The following CSMD1 variants were observed in gnomAD, a reference collection of about 807,000 sequenced individuals.
CSMD1 encodes CUB and Sushi multiple domains 1.
In CSMD1, 213 loss-of-function variants were observed where a neutral mutation model predicts 417.5. The ratio of observed to expected loss-of-function variants is 0.51; its 90% CI spans 0.46 to 0.57. The LOEUF is 0.57. Among genes scored for constraint, CSMD1 ranks in the 20% least tolerant of loss-of-function variants. The pLI is 0.00. For missense variants in CSMD1, 6,923 were observed against 4,529.7 expected (o/e 1.53, Z -15.17); for synonymous variants, 2,862 against 1,736.8 (o/e 1.65, Z -16.11).
intron 2 of CSMD1, among the ~76,000 whole-genome samples, chr8:4,596,018 A>AACACTCCCTGTTTGCC (rs1800256426): frequency 6.6e-6 from 1 of 152,100 alleles, no homozygotes; most frequent in African/African-American, 2.4e-5. Flanking sequence ...CCACCACTTG[A>AACACTCCCTGTTTGCC]ACACTCCCTG....
intron 1 of CSMD1, among the ~76,000 whole-genome samples, chr8:4,693,406 G>A (rs573462540): frequency 2.0e-5 from 3 of 152,358 alleles, no homozygotes; most frequent in African/African-American, 7.2e-5. Flanking sequence ...TCCTGGAGGT[G>A]TGTTCTGGCT....
intron 5 of CSMD1, among the ~76,000 whole-genome samples, chr8:3,972,332 C>T (rs1359379979): frequency 6.6e-6 from 1 of 152,072 alleles, no homozygotes; most frequent in Non-Finnish European, 1.5e-5. Context: ...CCAAGATTGT[C>T]ACTTTTTCTC....
intron 3 of CSMD1, among the ~76,000 whole-genome samples, chr8:4,083,024 T>C (rs113983582): frequency 2.2e-4 from 33 of 152,008 alleles, no homozygotes; most frequent in Admixed American, 1.4e-3. Flanking sequence ...TTGTTGGACA[T>C]TTGGGTTTGT....
At chr8:3,932,120 G>T (rs1303476212) in intron 5 of CSMD1, among the ~76,000 whole-genome samples, 1 of 150,274 alleles carries the variant, frequency 6.7e-6, no homozygotes, top group Non-Finnish European at 1.5e-5. Flanking sequence ...GAAAGTAGAT[G>T]ATTTTATGGC....
At chr8:4,613,176 AT>A (rs1801280096) in intron 2 of CSMD1, among the ~76,000 whole-genome samples, 3 of 152,174 alleles carry the variant, frequency 2.0e-5, no homozygotes, top group Admixed American at 2.0e-4. Context: ...AACAATTCTA[AT>A]TCATTTAAAT....
chr8:4,175,012 C>CT (rs1319730319), intron 3 of CSMD1, among the ~76,000 whole-genome samples: 1 of 151,588 alleles, frequency 6.6e-6, no homozygotes, highest in African/African-American at 2.4e-5. Flanking sequence ...TTATCTCACT[C>CT]TTTTCCACTT....
chr8:2,977,696 T>C (rs997649657), intron 55 of CSMD1, among the ~76,000 whole-genome samples: 3 of 152,254 alleles, frequency 2.0e-5, no homozygotes, highest in African/African-American at 7.2e-5. Context: ...AAAGGTCTAA[T>C]ATCCAGAATC....
rs1805410678 is a variant in CSMD1 at position 4,672,805 on chromosome 8, C to T, written c.86-35247G>A. ...TGACACACATACTTACACTCACATG[C>T]ATGGTAACAAAACACACACACACAC... On this transcript the variant is annotated intron_variant, in intron 1 of 69. Coordinates refer to ENST00000635120, the MANE Select transcript of CSMD1 (RefSeq NM_033225.6). Among the ~76,000 whole-genome samples, 4 of 151,972 alleles carry T rather than the reference C, an allele frequency of 2.6e-5. No homozygotes were observed. The South Asian group carries it at 6.2e-4, about 24-fold the overall frequency.
At chr8:4,897,126 T>A (rs1000598899) in intron 1 of CSMD1, among the ~76,000 whole-genome samples, 1 of 152,032 alleles carries the variant, frequency 6.6e-6, no homozygotes, top group African/African-American at 2.4e-5. Flanking sequence ...TTTAAATGAA[T>A]TTATGAGCAA....
intron 3 of CSMD1, among the ~76,000 whole-genome samples, chr8:4,286,411 G>A (rs745748555): frequency 4.8e-4 from 73 of 152,104 alleles, no homozygotes; most frequent in Non-Finnish European, 9.8e-4. Flanking sequence ...GTTAACATGA[G>A]ACAGAGAAAA....
intron 9 of CSMD1, 100 bp from the exon 10 acceptor site, chr8:3,575,166 A>C: frequency 7.5e-6 from 8 of 1,063,288 alleles, no homozygotes; most frequent in Non-Finnish European, 9.8e-6. Context: ...TTATCTAATC[A>C]CAGTAAAAAA....
chr8:4,728,606 C>T (rs1030793205), intron 1 of CSMD1, among the ~76,000 whole-genome samples: 1 of 152,134 alleles, frequency 6.6e-6, no homozygotes, highest in African/African-American at 2.4e-5. Context: ...ACATGTCCTT[C>T]CTATTCCAAA....
intron 5 of CSMD1, among the ~76,000 whole-genome samples, chr8:3,802,379 A>T (rs1050496858): frequency 7.2e-5 from 11 of 152,150 alleles, no homozygotes; most frequent in African/African-American, 2.7e-4. Context: ...GAGATATTTA[A>T]TTGAAAGGGA....
At chr8:4,360,654 C>G (rs1241979641) in intron 3 of CSMD1, among the ~76,000 whole-genome samples, 4 of 151,950 alleles carry the variant, frequency 2.6e-5, no homozygotes, top group Non-Finnish European at 1.5e-5. Context: ...CCACACCTGG[C>G]TAATTTTTTT....
At chr8:3,900,045 C>T (rs914081436) in intron 5 of CSMD1, among the ~76,000 whole-genome samples, 10 of 151,548 alleles carry the variant, frequency 6.6e-5, no homozygotes, top group East Asian at 5.8e-4. Flanking sequence ...TGCAGCTGGC[C>T]GATGCTGTAG....
intron 54 of CSMD1, among the ~76,000 whole-genome samples, chr8:2,981,318 G>A (rs952326828): frequency 2.0e-5 from 3 of 152,204 alleles, no homozygotes; most frequent in Non-Finnish European, 4.4e-5. Flanking sequence ...GGATCTGATG[G>A]AAAGAGGCTT....
intron 50 of CSMD1, among the ~76,000 whole-genome samples, chr8:3,040,959 C>A (rs62490501): frequency 0.25 from 37,970 of 152,050 alleles, 5,463 homozygotes; most frequent in East Asian, 0.32. Flanking sequence ...AATGTTTCTA[C>A]AGAAGTTCCA....
chr8:4,298,547 A>G (rs993081025), intron 3 of CSMD1, among the ~76,000 whole-genome samples: 2 of 152,288 alleles, frequency 1.3e-5, no homozygotes, highest in South Asian at 4.1e-4. Flanking sequence ...ATGTAGCAAA[A>G]TTGTACTTGT....
At chr8:3,474,541 A>C (rs912288706) in intron 11 of CSMD1, among the ~76,000 whole-genome samples, 20 of 152,190 alleles carry the variant, frequency 1.3e-4, no homozygotes, top group African/African-American at 2.4e-5. Flanking sequence ...TATAGTTCAC[A>C]TTTACTTAAA....
Sources: gnomAD v4.1 joint callset for allele counts (sites outside exome capture counted in the v4.1 genomes callset) on GRCh38, gnomAD v4.1.1 for gene constraint, MANE v1.5 for transcripts, NCBI Gene and HGNC (gene_info 2026-07-23, HGNC 2026-07-21) for gene names.